SCMH1: variants seen among roughly 807,000 people sequenced by gnomAD.
SCMH1 encodes Scm polycomb group protein homolog 1.
A neutral mutation model predicts 70.8 loss-of-function variants in SCMH1; 37 were observed. The ratio of observed to expected loss-of-function variants is 0.52; its 90% CI spans 0.40 to 0.69. SCMH1 has a LOEUF of 0.69. Among genes scored for constraint, SCMH1 ranks in the 30% least tolerant of loss-of-function variants. SCMH1 has a pLI of 0.00. For missense variants in SCMH1, 607 were observed against 827.3 expected, an observed-to-expected ratio of 0.73 and a Z score of 3.27; for synonymous variants, 292 against 307.4, an observed-to-expected ratio of 0.95 and a Z score of 0.52.
chr1:41,146,314 T>C (rs577580613), intron 5 of SCMH1, among the ~76,000 whole-genome samples: 1 of 152,238 alleles, frequency 6.6e-6, no homozygotes, highest in Non-Finnish European at 1.5e-5. Flanking sequence ...AAAAATTAAG[T>C]TTATAAAGCG....
At chr1:41,140,276 T>C (rs995559469) in intron 6 of SCMH1, among the ~76,000 whole-genome samples, 5 of 145,372 alleles carry the variant, frequency 3.4e-5, no homozygotes, top group Admixed American at 7.1e-5. Context: ...TTTGAACCAA[T>C]GATATTTTAC....
At chr1:41,068,171 T>C (rs552304171) in intron 10 of SCMH1, among the ~76,000 whole-genome samples, 2 of 152,276 alleles carry the variant, frequency 1.3e-5, no homozygotes, top group Admixed American at 1.3e-4. Flanking sequence ...AAAATGCCAC[T>C]GGAGTACTAA....
chr1:41,086,628 G>A (rs6685340), intron 8 of SCMH1, among the ~76,000 whole-genome samples: 21,003 of 151,904 alleles, frequency 0.14, 1,791 homozygotes, highest in Middle Eastern at 0.27. Flanking sequence ...ACCACAACCA[G>A]GCACTGTAGC....
chr1:41,152,626 G>A (rs1165619432), intron 4 of SCMH1: 2 of 1,614,044 alleles, frequency 1.2e-6, no homozygotes, highest in African/African-American at 1.3e-5. Flanking sequence ...ATGGAGCAGG[G>A]AAGGTCCCAG....
chr1:41,168,056 ACTCT>A (rs1233880146), intron 2 of SCMH1, among the ~76,000 whole-genome samples: 1 of 149,352 alleles, frequency 6.7e-6, no homozygotes, highest in Non-Finnish European at 1.5e-5. Flanking sequence ...GCTGTTTTCA[ACTCT>A]CTCTAACTTA....
At chr1:41,186,705 G>A (rs1293172212) in intron 1 of SCMH1, among the ~76,000 whole-genome samples, 1 of 152,102 alleles carries the variant, frequency 6.6e-6, no homozygotes, top group Non-Finnish European at 1.5e-5. Context: ...ACCCTAATCT[G>A]ATATAATTGG....
At chr1:41,224,105 T>C (rs949725958) in intron 1 of SCMH1, among the ~76,000 whole-genome samples, 8 of 152,150 alleles carry the variant, frequency 5.3e-5, no homozygotes, top group African/African-American at 1.7e-4. Flanking sequence ...CGCCCCCTCT[T>C]TCACCTCCTC....
At chr1:41,180,165 CA>C (rs1335963819) in intron 2 of SCMH1, among the ~76,000 whole-genome samples, 5 of 152,124 alleles carry the variant, frequency 3.3e-5, no homozygotes, top group African/African-American at 7.2e-5. Context: ...AATTCAACAA[CA>C]CTTCATGCTA....
chr1:41,068,137 G>C (rs1046477468), intron 10 of SCMH1, among the ~76,000 whole-genome samples: 1 of 152,150 alleles, frequency 6.6e-6, no homozygotes, highest in Admixed American at 6.5e-5. Context: ...TGCAGGTCTG[G>C]TGTTTCTACC....
At chr1:41,219,294 G>A (rs188062414) in intron 1 of SCMH1, among the ~76,000 whole-genome samples, 3 of 152,278 alleles carry the variant, frequency 2.0e-5, no homozygotes, top group Admixed American at 2.0e-4. Context: ...TAATAAGCCT[G>A]TAATAATAAG....
chr1:41,233,693 ATCTTC>A (rs898880617), intron 1 of SCMH1, among the ~76,000 whole-genome samples: 3 of 152,252 alleles, frequency 2.0e-5, no homozygotes, highest in African/African-American at 7.2e-5. Flanking sequence ...ATATCCAATG[ATCTTC>A]TCTTTTTAGG....
intron 2 of SCMH1, among the ~76,000 whole-genome samples, chr1:41,162,082 C>T (rs1456108298): frequency 6.6e-6 from 1 of 152,032 alleles, no homozygotes; most frequent in Non-Finnish European, 1.5e-5. Context: ...GCTGCAAACC[C>T]AGACCTCCTG....
chr1:41,102,431 G>C (rs1169416647), intron 8 of SCMH1, among the ~76,000 whole-genome samples: 1 of 152,188 alleles, frequency 6.6e-6, no homozygotes, highest in Non-Finnish European at 1.5e-5. Flanking sequence ...CTAAATTCCA[G>C]TTCACTTAAA....
intron 12 of SCMH1, chr1:41,038,096 A>T (rs541770301): frequency 1.3e-5 from 2 of 152,508 alleles, no homozygotes; most frequent in African/African-American, 4.8e-5. Flanking sequence ...GGGCATGGAG[A>T]TGAGAATCGG....
intron 8 of SCMH1, among the ~76,000 whole-genome samples, chr1:41,101,732 T>G (rs1449431512): frequency 6.6e-6 from 1 of 152,188 alleles, no homozygotes; most frequent in South Asian, 2.1e-4. Flanking sequence ...AGTAGCTAGT[T>G]GAGCTTACAA....
chr1:41,169,124 T>C (rs1279571425), intron 2 of SCMH1, among the ~76,000 whole-genome samples: 1 of 152,182 alleles, frequency 6.6e-6, no homozygotes, highest in Non-Finnish European at 1.5e-5. Flanking sequence ...TTTTGTTTGC[T>C]GTGGTCTAAG....
intron 1 of SCMH1, among the ~76,000 whole-genome samples, chr1:41,187,871 C>T (rs2148650347): frequency 6.6e-6 from 1 of 151,384 alleles, no homozygotes; most frequent in Non-Finnish European, 1.5e-5. Flanking sequence ...CCTATAGTTC[C>T]AGCTACTTGG....
intron 12 of SCMH1, chr1:41,041,353 GAT>G (rs1646140905): frequency 1.3e-5 from 2 of 152,286 alleles, no homozygotes; most frequent in South Asian, 4.1e-4. Context: ...TGGTGAAAAA[GAT>G]ATTGTCTCTA....
intron 8 of SCMH1, among the ~76,000 whole-genome samples, chr1:41,100,628 C>T (rs34851780): frequency 0.34 from 50,976 of 148,804 alleles, 9,899 homozygotes; most frequent in African/African-American, 0.54. Flanking sequence ...TGCAGTGGCA[C>T]GATCTCGGCT....
Sources: gnomAD v4.1 joint callset for allele counts (sites outside exome capture counted in the v4.1 genomes callset) on GRCh38, gnomAD v4.1.1 for gene constraint, MANE v1.5 for transcripts, NCBI Gene and HGNC (gene_info 2026-07-23, HGNC 2026-07-21) for gene names.